SYMPK: variants seen among roughly 807,000 people sequenced by gnomAD.
SYMPK encodes the protein symplekin scaffold protein.
A neutral mutation model predicts 136.4 loss-of-function variants in SYMPK; 49 were observed. That is an observed-to-expected ratio of 0.36 (90% CI 0.29 to 0.46). The LOEUF (loss-of-function observed/expected upper bound fraction) is 0.46. Among genes scored for constraint, SYMPK ranks in the 20% least tolerant of loss-of-function variants. The pLI, the probability that SYMPK is intolerant of heterozygous loss-of-function variation, is 1.00. For missense variants in SYMPK, 1,365 were observed against 1,690.0 expected (o/e 0.81, Z 3.37); for synonymous variants, 766 against 713.0 (o/e 1.07, Z -1.19).
intron 19 of SYMPK, 140 bp downstream of exon 19, chr19:45,823,627 G>A: frequency 1.0e-6 from 1 of 975,388 alleles, no homozygotes; most frequent in Non-Finnish European, 1.6e-6. Context: ...TGTTCCAAAT[G>A]GAGAAACTGA....
At position 45,842,346 on chromosome 19, in the gene SYMPK, G is replaced by T; in HGVS notation, c.991C>A (p.Pro331Thr). 1.2e-6 allele frequency: 2 copies of T among 1,614,194 alleles called. No individual in the cohort carries two copies. Among genetic ancestry groups the T allele is most frequent in the Non-Finnish European group, 1.7e-6 (2 of 1,180,042 alleles). ...ITTLLVDLGT[P>T]QAEIARNMPS... ...ATGTTGCGGGCGATCTCGGCCTGAG[G>T]TGTGCCCAGGTCCACCAGCAGGGTG... Residue 331 changes from proline (P) to threonine (T), a missense_variant, in exon 9 of 27, where the codon CCT becomes ACT. By Grantham distance (38) the Pro-to-Thr change is conservative. Transcript: ENST00000245934.
chr19:45,852,181 G>T, intron 5 of SYMPK, 131 bp downstream of exon 5: 1 of 892,384 alleles, frequency 1.1e-6, no homozygotes, highest in Non-Finnish European at 1.8e-6. Context: ...TGGGGAATCA[G>T]TGTGTATGAG....
intron 9 of SYMPK, among the ~76,000 whole-genome samples, chr19:45,839,267 A>G (rs1971380163): frequency 6.6e-6 from 1 of 152,204 alleles, no homozygotes; most frequent in Non-Finnish European, 1.5e-5. Context: ...ACCTGGGCTC[A>G]GACCTTGATT....
At chr19:45,837,593 G>A (rs1971331066) in intron 10 of SYMPK, among the ~76,000 whole-genome samples, 1 of 140,424 alleles carries the variant, frequency 7.1e-6, no homozygotes, top group African/African-American at 2.7e-5. Context: ...CTCCAGTCTG[G>A]GTAACAAAGC....
intron 14 of SYMPK, 40 bp downstream of exon 14, chr19:45,828,930 G>A: frequency 1.3e-6 from 2 of 1,582,128 alleles, no homozygotes; most frequent in South Asian, 1.1e-5. Flanking sequence ...AGGAGAGGAA[G>A]CCTCTCGGGG....
At chr19:45,842,161 C>A in intron 9 of SYMPK, 89 bp downstream of exon 9, 2 of 1,565,370 alleles carry the variant, frequency 1.3e-6, no homozygotes, top group Non-Finnish European at 1.7e-6. Flanking sequence ...ATAATATAAT[C>A]TTAGTAAATA....
intron 21 of SYMPK, 115 bp downstream of exon 21, chr19:45,822,641 G>A: frequency 1.3e-6 from 1 of 783,958 alleles, no homozygotes; most frequent in Non-Finnish European, 2.1e-6. Flanking sequence ...TACAGCTGGT[G>A]TCCCAGGGAG....
intron 8 of SYMPK, among the ~76,000 whole-genome samples, chr19:45,843,588 T>C (rs1971493870): frequency 6.6e-6 from 1 of 152,246 alleles, no homozygotes; most frequent in South Asian, 2.1e-4. Context: ...ATGTAGAGAA[T>C]CTCAGGCCTG....
intron 17 of SYMPK, among the ~76,000 whole-genome samples, chr19:45,825,713 A>ACC (rs1219314071): frequency 6.6e-6 from 1 of 152,130 alleles, no homozygotes; most frequent in African/African-American, 2.4e-5. Context: ...CATGTTGGTC[A>ACC]CATACCCATT....
chr19:45,822,170 G>C (rs889319059), intron 21 of SYMPK, among the ~76,000 whole-genome samples: 5 of 141,862 alleles, frequency 3.5e-5, no homozygotes, highest in African/African-American at 1.3e-4. Flanking sequence ...CCAGGCTGGA[G>C]TGCACTGGCA....
At position 45,830,042 on chromosome 19, in the gene SYMPK, G is replaced by A. The variant is rs1206509897; in HGVS notation, c.1749+12C>T. ...GACTGGAAGGATGGGGTGGGGGGTG[G>A]CAGGCGCACACCTGGGCTGCCCCGC... On this transcript the variant is annotated intron_variant, in intron 13 of 26. Transcript: ENST00000245934. 4 of 1,536,008 alleles carry A rather than the reference G, an allele frequency of 2.6e-6. No homozygotes were observed. The highest frequency in any genetic ancestry group is 3.5e-6 in the Non-Finnish European group (4 of 1,134,714).
In SYMPK at chr19:45,821,553, T is replaced by C. The variant is rs1048210651; in HGVS notation, c.2792-68A>G. 2 of 1,085,252 alleles carry C rather than the reference T, an allele frequency of 1.8e-6. No homozygotes were observed. The highest frequency in any genetic ancestry group is 1.4e-6 in the Non-Finnish European group (1 of 720,114). 67.2% of individuals were successfully genotyped at this position (1,085,252 alleles called of 1,614,324 possible). Reference sequence around the variant, plus strand: ...GCATAAGTGAAGAGATGGGTCTGAGTTCCCCAGATCGGGGGAGCTGCGAGC... The same window carrying C: ...GCATAAGTGAAGAGATGGGTCTGAGCTCCCCAGATCGGGGGAGCTGCGAGC... On this transcript the variant is annotated intron_variant, in intron 21 of 26. Transcript: ENST00000245934. This position sits in a 1 kb window ranked among gnomAD's most constrained non-coding sequence, Gnocchi z 4.4.
chr19:45,828,620 C>T, intron 14 of SYMPK: 1 of 282,820 alleles, frequency 3.5e-6, no homozygotes, highest in South Asian at 5.7e-5. Context: ...AGAACCAACT[C>T]AGGTAGTGAA....
chr19:45,825,301 A>C lies in SYMPK; in HGVS notation c.2360T>G (p.Val787Gly). 2 of 1,614,096 alleles carry C rather than the reference A, an allele frequency of 1.2e-6. No homozygotes were observed. The highest frequency in any genetic ancestry group is 1.7e-6 in the Non-Finnish European group (2 of 1,179,996). Reference protein sequence around the residue: ...EVAAPWTEETVKQCLYLYLAL... With the variant: ...EVAAPWTEETGKQCLYLYLAL... Reference sequence around the variant, plus strand: ...CAGGTAGAGGTACAGACACTGCTTCACTGTCTCCTCCGTCCAGGGTGCTGC... The same window carrying C: ...CAGGTAGAGGTACAGACACTGCTTCCCTGTCTCCTCCGTCCAGGGTGCTGC... Residue 787 changes from valine (V) to glycine (G), a missense_variant, in exon 18 of 27, where the codon GTG (valine) becomes GGG (glycine). Val to Gly is a moderately radical substitution (Grantham distance 109). Around this residue, in one of 11 missense-constraint regions of SYMPK, gnomAD observed 92 missense variants for 198.6 expected, o/e 0.46. Transcript: ENST00000245934.
chr19:45,815,895 C>A lies in SYMPK; in HGVS notation c.3643G>T (p.Glu1215Ter). Reference sequence around the variant, plus strand: ...AGACTAGAGTCCAACAGCGCGGCCTCGGTCAGCCCCGAGTCGTCATCCATG... The same window carrying A: ...AGACTAGAGTCCAACAGCGCGGCCTAGGTCAGCCCCGAGTCGTCATCCATG... ...ISMDDDSGLT[E>*]AALLDSSLEG... Residue 1215 changes from glutamate (E) to a stop codon, truncating the protein, a stop_gained, in exon 26 of 27, where the codon GAG (glutamate) becomes TAG (stop). Coordinates refer to ENST00000245934, the MANE Select transcript of SYMPK (RefSeq NM_004819.3). LOFTEE classifies it high-confidence loss of function. The A allele has an allele frequency of 6.2e-7, 1 of 1,612,266 alleles. No homozygotes were observed. Among genetic ancestry groups the A allele is most frequent in the Non-Finnish European group, 8.5e-7 (1 of 1,179,852 alleles).
At chr19:45,837,128 A>T (rs1568617411) in intron 10 of SYMPK, among the ~76,000 whole-genome samples, 1 of 152,234 alleles carries the variant, frequency 6.6e-6, no homozygotes, top group African/African-American at 2.4e-5. Flanking sequence ...AATATGAACA[A>T]AACAAAGAGC....
rs1971622206 is a variant in SYMPK at position 45,848,610 on chromosome 19, C to T, written c.426+140G>A. 3.4e-6 allele frequency: 4 copies of T among 1,182,820 alleles called. No homozygotes were observed. The African/African-American group carries it at 6.1e-5, about 18-fold the overall frequency. The allele number at this position is 1,182,820 out of a possible 1,614,324, so 73.3% of individuals were successfully genotyped here. A position where few individuals can be genotyped will look rare whatever the true frequency, so the allele number is the denominator to read the frequency against. On this transcript the variant is annotated intron_variant, in intron 6 of 26. Transcript: ENST00000245934. The stretch of plus-strand genomic sequence containing the variant: ...GACCTAGGAGACAACGTTAGCTCTC[C>T]ATGTTATCTGTTCCCACAGACCAGT...
chr19:45,862,632 G>A (rs974205460), intron 1 of SYMPK: 2 of 160,720 alleles, frequency 1.2e-5, no homozygotes, highest in Admixed American at 6.4e-5. Flanking sequence ...AGGGAAGGAG[G>A]GCTTCGCAGA....
chr19:45,845,667 C>T (rs1266921502), intron 7 of SYMPK, among the ~76,000 whole-genome samples: 4 of 152,260 alleles, frequency 2.6e-5, no homozygotes, highest in South Asian at 4.1e-4. Flanking sequence ...TATGGAAGTG[C>T]GGGTTATCTT....
Sources: allele counts gnomAD v4.1 joint callset (sites outside exome capture counted in the v4.1 genomes callset), GRCh38; gene constraint gnomAD v4.1.1; regional missense constraint gnomAD v4.1.1; non-coding constraint Gnocchi (gnomAD v3.1); transcripts MANE v1.5; gene names NCBI Gene and HGNC (gene_info 2026-07-23, HGNC 2026-07-21).